Variants in MACROD2 observed in about 807,000 individuals in gnomAD.
MACROD2 encodes the protein ADP-ribose glycohydrolase MACROD2.
MACROD2 carries 36 observed loss-of-function variants against 70.4 expected under a neutral mutation model. That is an observed-to-expected ratio of 0.51 (90% CI 0.39 to 0.68). The LOEUF (loss-of-function observed/expected upper bound fraction) is 0.68. Among genes scored for constraint, MACROD2 ranks in the 30% least tolerant of loss-of-function variants. MACROD2 has a pLI of 0.00. For synonymous variants in MACROD2, 172 were observed against 178.8 expected, an observed-to-expected ratio of 0.96 and a Z score of 0.30; for missense variants, 496 against 538.4, an observed-to-expected ratio of 0.92 and a Z score of 0.78.
At chr20:14,842,008 A>G (rs1368427007) in intron 5 of MACROD2, among the ~76,000 whole-genome samples, 2 of 150,980 alleles carry the variant, frequency 1.3e-5, no homozygotes, top group African/African-American at 2.4e-5. Context: ...TAACTTACAA[A>G]GAAAAGAGGT....
At chr20:15,485,587 A>G (rs563215637) in intron 7 of MACROD2, among the ~76,000 whole-genome samples, 3 of 152,156 alleles carry the variant, frequency 2.0e-5, no homozygotes, top group South Asian at 4.1e-4. Context: ...ACTGTCATTC[A>G]TTATTAAGAC....
At chr20:14,079,283 G>A (rs2053957932) in intron 2 of MACROD2, among the ~76,000 whole-genome samples, 1 of 152,208 alleles carries the variant, frequency 6.6e-6, no homozygotes, top group Non-Finnish European at 1.5e-5. Flanking sequence ...TTAGATACTT[G>A]TAGACCATAC....
At chr20:15,768,630 A>G (rs8124304) in intron 8 of MACROD2, among the ~76,000 whole-genome samples, 4,319 of 152,302 alleles carry the variant, frequency 0.028, 153 homozygotes, top group African/African-American at 0.085. Flanking sequence ...TCTTTCTTCA[A>G]TAATAAATTA....
At chr20:14,162,011 T>G (rs1569185290) in intron 3 of MACROD2, among the ~76,000 whole-genome samples, 1 of 152,224 alleles carries the variant, frequency 6.6e-6, no homozygotes, top group Non-Finnish European at 1.5e-5. Context: ...GATGTAGGTG[T>G]TTATTGCTAT....
chr20:14,156,352 CT>C (rs2055103499), intron 3 of MACROD2, among the ~76,000 whole-genome samples: 1 of 152,060 alleles, frequency 6.6e-6, no homozygotes, highest in South Asian at 2.1e-4. Flanking sequence ...CTTATTTTGC[CT>C]TTTCAGGAAC....
At chr20:14,130,959 C>T (rs777575365) in intron 3 of MACROD2, among the ~76,000 whole-genome samples, 88 of 135,404 alleles carry the variant, frequency 6.5e-4, no homozygotes, top group Non-Finnish European at 9.9e-4. Flanking sequence ...GAGACAGGCT[C>T]TGTTGCCCAA....
intron 15 of MACROD2, among the ~76,000 whole-genome samples, chr20:16,023,352 G>A (rs1162342774): frequency 2.6e-5 from 4 of 151,632 alleles, no homozygotes; most frequent in African/African-American, 9.7e-5. Flanking sequence ...GCGGGCTCCT[G>A]TAGTCCCAGC....
At chr20:15,578,538 C>T (rs2048479437) in intron 8 of MACROD2, among the ~76,000 whole-genome samples, 1 of 23,622 alleles carries the variant, frequency 4.2e-5, no homozygotes, top group South Asian at 2.3e-3. Flanking sequence ...AAAGACCAAA[C>T]TAAATGCCAT....
At chr20:15,069,064 C>A (rs2075599396) in intron 5 of MACROD2, among the ~76,000 whole-genome samples, 1 of 152,086 alleles carries the variant, frequency 6.6e-6, no homozygotes, top group Non-Finnish European at 1.5e-5. Flanking sequence ...GTGTAGAGAA[C>A]AAGGTAGTGC....
intron 6 of MACROD2, among the ~76,000 whole-genome samples, chr20:15,390,547 A>G (rs1222527716): frequency 6.6e-6 from 1 of 152,182 alleles, no homozygotes; most frequent in Non-Finnish European, 1.5e-5. Flanking sequence ...TTAATTAAAC[A>G]TAGATGCAGA....
intron 5 of MACROD2, among the ~76,000 whole-genome samples, chr20:14,772,828 A>G (rs2072186418): frequency 6.6e-6 from 1 of 152,136 alleles, no homozygotes; most frequent in African/African-American, 2.4e-5. Flanking sequence ...GTTATTCCAG[A>G]AAAGATTGTA....
At chr20:14,712,367 C>T (rs527287028) in intron 5 of MACROD2, among the ~76,000 whole-genome samples, 20 of 152,268 alleles carry the variant, frequency 1.3e-4, no homozygotes, top group Non-Finnish European at 2.8e-4. Context: ...CAGCAGTGCT[C>T]ACTTGTCTTC....
intron 5 of MACROD2, among the ~76,000 whole-genome samples, chr20:14,895,756 G>T (rs184713502): frequency 6.6e-6 from 1 of 152,050 alleles, no homozygotes; most frequent in Admixed American, 6.5e-5. Context: ...TCCATTAAAT[G>T]TGGGTAGTGA....
At chr20:15,649,123 C>G (rs1190505925) in intron 8 of MACROD2, among the ~76,000 whole-genome samples, 4 of 116,576 alleles carry the variant, frequency 3.4e-5, no homozygotes, top group African/African-American at 1.3e-4. Flanking sequence ...CTCCCCTCCC[C>G]TCCCTTCCCT....
At chr20:14,419,333 C>A (rs571201668) in intron 3 of MACROD2, among the ~76,000 whole-genome samples, 1 of 152,128 alleles carries the variant, frequency 6.6e-6, no homozygotes, top group Non-Finnish European at 1.5e-5. Flanking sequence ...GGATTACAGG[C>A]GTGATCCACT....
At chr20:15,260,273 T>G (rs1347098935) in intron 6 of MACROD2, among the ~76,000 whole-genome samples, 2 of 151,562 alleles carry the variant, frequency 1.3e-5, no homozygotes, top group Non-Finnish European at 3.0e-5. Context: ...CATTCCCTCT[T>G]TATCCCCCCT....
intron 5 of MACROD2, among the ~76,000 whole-genome samples, chr20:15,115,525 A>G (rs919143033): frequency 6.6e-6 from 1 of 152,050 alleles, no homozygotes; most frequent in Non-Finnish European, 1.5e-5. Flanking sequence ...TATCCAGCCT[A>G]TTGTCTTCTT....
chr20:14,903,516 T>A lies in MACROD2; in HGVS notation c.418+218557T>A, dbSNP rs147853818. On this transcript the variant is annotated intron_variant, in intron 5 of 17. Coordinates refer to ENST00000684519, the MANE Select transcript of MACROD2 (RefSeq NM_001351661.2). The stretch of plus-strand genomic sequence containing the variant: ...GCCTGAAATTAATTTGAATACATAA[T>A]TTAATGTATTTATAGTTTATCAGCA... 2.0e-3 allele frequency among the ~76,000 whole-genome samples: 309 copies of A among 152,218 alleles called. 1 individual carries two copies. The highest frequency in any genetic ancestry group is 7.1e-3 in the African/African-American group (295 of 41,538).
At chr20:14,614,382 G>A (rs900336871) in intron 4 of MACROD2, among the ~76,000 whole-genome samples, 1 of 152,082 alleles carries the variant, frequency 6.6e-6, no homozygotes, top group Non-Finnish European at 1.5e-5. Flanking sequence ...GGGAGTTGGT[G>A]CTCACCTCAC....
Sources: gnomAD v4.1 joint callset for allele counts (sites outside exome capture counted in the v4.1 genomes callset) on GRCh38, gnomAD v4.1.1 for gene constraint, MANE v1.5 for transcripts, NCBI Gene and HGNC (gene_info 2026-07-23, HGNC 2026-07-21) for gene names.